The following NFU1 variants were observed in gnomAD, a reference collection of about 807,000 sequenced individuals.
The protein encoded by NFU1 is NFU1 iron-sulfur cluster scaffold homolog, mitochondrial.
A neutral mutation model predicts 32.2 loss-of-function variants in NFU1; 30 were observed. The observed-to-expected ratio is 0.93, with a 90% CI of 0.70 to 1.26. NFU1 has a LOEUF of 1.26. Ranked by LOEUF, NFU1 falls within the 50% of genes most tolerant of loss-of-function variation. The probability of loss-of-function intolerance (pLI) is 0.00; values close to 1 mark genes in which losing one functional copy is unlikely to be tolerated. For missense variants in NFU1, 306 were observed against 306.6 expected, an observed-to-expected ratio of 1.00 and a Z score of 0.02; for synonymous variants, 112 against 104.6, an observed-to-expected ratio of 1.07 and a Z score of -0.43.
intron 5 of NFU1, among the ~76,000 whole-genome samples, chr2:69,414,559 A>G (rs945230960): frequency 1.4e-5 from 2 of 145,620 alleles, no homozygotes; most frequent in African/African-American, 2.5e-5. Context: ...TGGGGGTTGC[A>G]GTGAGCCAAC....
chr2:69,423,468 T>TA (rs888766439), intron 3 of NFU1, 114 bp downstream of exon 3: 313 of 922,226 alleles, frequency 3.4e-4, no homozygotes, highest in South Asian at 5.3e-4. Context: ...TTTCTACACT[T>TA]AAAAAAAAAT....
Position 69,423,496 on chromosome 2 carries a change from G to C in NFU1, c.302+86C>G, listed in dbSNP as rs372329450. On this transcript the variant is annotated intron_variant, in intron 3 of 7. Transcript: ENST00000410022. Reference sequence around the variant, plus strand: ...AAAAAAATGCAGTGCACATAGAAATGCAATAGTTAAACAGAGTTGTCTTAA... The same window carrying C: ...AAAAAAATGCAGTGCACATAGAAATCCAATAGTTAAACAGAGTTGTCTTAA... The C allele has an allele frequency of 3.3e-6, 4 of 1,217,730 alleles. No homozygotes were observed. The African/African-American group carries it at 6.1e-5, about 19-fold the overall frequency. 75.4% of individuals were successfully genotyped at this position (1,217,730 alleles called of 1,614,324 possible).
At chr2:69,439,451 G>A (rs559712061), upstream of NFU1, among the ~76,000 whole-genome samples, 2 of 152,314 alleles carry the variant, frequency 1.3e-5, no homozygotes, top group Admixed American at 1.3e-4. Flanking sequence ...CCTTTGCGAT[G>A]GGTGTTACAG....
intron 3 of NFU1, among the ~76,000 whole-genome samples, chr2:69,423,247 T>A (rs978367153): frequency 4.1e-4 from 6 of 14,588 alleles, no homozygotes; most frequent in South Asian, 2.1e-3. Context: ...TGTGTGAGTG[T>A]GTGTGTGTGT....
At chr2:69,410,805 A>C (rs186210114) in intron 5 of NFU1, 6 of 152,306 alleles carry the variant, frequency 3.9e-5, no homozygotes, top group Admixed American at 3.9e-4. Flanking sequence ...TCAATGTTGA[A>C]GAAATGTTAA....
At chr2:69,404,040 G>A (rs931460529) in intron 6 of NFU1, among the ~76,000 whole-genome samples, 3 of 149,482 alleles carry the variant, frequency 2.0e-5, no homozygotes, top group Non-Finnish European at 4.5e-5. Flanking sequence ...GGGTTTCACT[G>A]TGTTAGCCAG....
upstream of NFU1, chr2:69,437,619 A>C (rs886056269): frequency 2.9e-6 from 2 of 691,244 alleles, no homozygotes; most frequent in Middle Eastern, 3.8e-4. Flanking sequence ...GAGGCCGGGG[A>C]ACCTTTCCCG....
intron 1 of NFU1, 46 bp from the exon 2 acceptor site, chr2:69,432,051 C>T (rs1028103028): frequency 1.5e-5 from 20 of 1,327,336 alleles, no homozygotes; most frequent in Non-Finnish European, 2.0e-5. Flanking sequence ...GAGCTCTAAT[C>T]TTTTAAAGTT....
chr2:69,420,747 G>A (rs752156915), intron 3 of NFU1, among the ~76,000 whole-genome samples: 1 of 152,166 alleles, frequency 6.6e-6, no homozygotes, highest in Non-Finnish European at 1.5e-5. Flanking sequence ...CATGTATGTA[G>A]TGACAGGGTT....
chr2:69,422,127 A>T (rs1673266672), intron 3 of NFU1, among the ~76,000 whole-genome samples: 1 of 152,144 alleles, frequency 6.6e-6, no homozygotes, highest in Admixed American at 6.6e-5. Flanking sequence ...CTTCTAAGTG[A>T]TCAATGATGC....
intron 6 of NFU1, among the ~76,000 whole-genome samples, chr2:69,401,806 G>T (rs1376932559): frequency 1.3e-5 from 2 of 151,942 alleles, no homozygotes; most frequent in African/African-American, 4.8e-5. Context: ...TACTGGATTT[G>T]TACAAATATT....
At chr2:69,434,914 G>A (rs1487261142) in intron 1 of NFU1, among the ~76,000 whole-genome samples, 1 of 152,196 alleles carries the variant, frequency 6.6e-6, no homozygotes, top group African/African-American at 2.4e-5. Context: ...CAATCATAGG[G>A]GTGCGGAAAA....
chr2:69,412,993 T>C (rs1386405613), intron 5 of NFU1, among the ~76,000 whole-genome samples: 2 of 151,516 alleles, frequency 1.3e-5, no homozygotes, highest in Admixed American at 1.3e-4. Flanking sequence ...ATCAAGGAAA[T>C]GCAATTAAAA....
intron 6 of NFU1, among the ~76,000 whole-genome samples, chr2:69,401,610 C>T (rs1672524831): frequency 6.6e-6 from 1 of 152,138 alleles, no homozygotes; most frequent in Non-Finnish European, 1.5e-5. Flanking sequence ...TATATTACTA[C>T]TGGGAATATA....
At chr2:69,396,609 C>T (rs1349827379) in intron 7 of NFU1, among the ~76,000 whole-genome samples, 2 of 151,060 alleles carry the variant, frequency 1.3e-5, no homozygotes, top group Non-Finnish European at 3.0e-5. Flanking sequence ...GCCGAGATCG[C>T]GCCACTGCAC....
intron 5 of NFU1, among the ~76,000 whole-genome samples, chr2:69,410,428 G>C (rs1206573964): frequency 4.6e-5 from 7 of 152,106 alleles, no homozygotes; most frequent in African/African-American, 7.2e-5. Flanking sequence ...GCACAGTGTA[G>C]TGGTTAAGAG....
intron 5 of NFU1, among the ~76,000 whole-genome samples, chr2:69,409,202 A>G (rs1388400517): frequency 1.3e-5 from 2 of 152,162 alleles, no homozygotes; most frequent in Admixed American, 6.6e-5. Context: ...TAAGGTTTAC[A>G]TATGGATCCA....
At chr2:69,435,254 G>T (rs1253195738) in intron 1 of NFU1, among the ~76,000 whole-genome samples, 3 of 152,228 alleles carry the variant, frequency 2.0e-5, no homozygotes, top group Admixed American at 6.5e-5. Flanking sequence ...CCGGGAATGG[G>T]CAGTCTAGAG....
At chr2:69,438,155 T>C (rs1000196529), upstream of NFU1, among the ~76,000 whole-genome samples, 2 of 151,982 alleles carry the variant, frequency 1.3e-5, no homozygotes, top group African/African-American at 4.8e-5. Context: ...ACGTTAGAAA[T>C]GCACGTTAGA....
Sources: allele counts gnomAD v4.1 joint callset (sites outside exome capture counted in the v4.1 genomes callset), GRCh38; gene constraint gnomAD v4.1.1; transcripts MANE v1.5; gene names NCBI Gene and HGNC (gene_info 2026-07-23, HGNC 2026-07-21).